C1GALT1: variants seen among roughly 807,000 people sequenced by gnomAD.
C1GALT1 encodes the protein glycoprotein-N-acetylgalactosamine 3-beta-galactosyltransferase 1.
C1GALT1 carries 11 observed loss-of-function variants against 31.0 expected under a neutral mutation model. The ratio of observed to expected loss-of-function variants is 0.36; its 90% CI spans 0.22 to 0.59. C1GALT1 has a LOEUF of 0.59. Among genes scored for constraint, C1GALT1 ranks in the 20% least tolerant of loss-of-function variants. C1GALT1 has a pLI of 0.79. For missense variants in C1GALT1, 424 were observed against 425.2 expected (o/e 1.00, Z 0.03); for synonymous variants, 175 against 143.6 (o/e 1.22, Z -1.56).
chr7:7,172,544 C>T (rs1276418028), intron 2 of C1GALT1, among the ~76,000 whole-genome samples: 1 of 151,898 alleles, frequency 6.6e-6, no homozygotes, highest in Non-Finnish European at 1.5e-5. Flanking sequence ...TTATTTCTGC[C>T]CCTCTCTTTG....
intron 1 of C1GALT1, among the ~76,000 whole-genome samples, chr7:7,213,286 T>G (rs771881809): frequency 7.9e-5 from 12 of 152,342 alleles, no homozygotes; most frequent in Admixed American, 3.3e-4. Context: ...GACAAAATTT[T>G]CAGGATAGCT....
intron 2 of C1GALT1, among the ~76,000 whole-genome samples, chr7:7,174,660 C>T (rs1780486147): frequency 6.6e-6 from 1 of 152,008 alleles, no homozygotes; most frequent in African/African-American, 2.4e-5. Flanking sequence ...TTCCTTTCTG[C>T]TCCTCAGCCT....
chr7:7,222,568 TATTTGAATTCTG>T (rs1411657115), intron 1 of C1GALT1, among the ~76,000 whole-genome samples: 1 of 152,246 alleles, frequency 6.6e-6, no homozygotes, highest in Non-Finnish European at 1.5e-5. Context: ...ACATGAATAC[TATTTGAATTCTG>T]ATTTGAACAA....
chr7:7,220,885 C>G (rs1782481638), intron 1 of C1GALT1, among the ~76,000 whole-genome samples: 1 of 152,142 alleles, frequency 6.6e-6, no homozygotes, highest in African/African-American at 2.4e-5. Context: ...ATTATTTTTC[C>G]TCAGAATTTC....
chr7:7,178,622 C>G (rs1780531774), upstream of C1GALT1, among the ~76,000 whole-genome samples: 1 of 152,334 alleles, frequency 6.6e-6, no homozygotes, highest in African/African-American at 2.4e-5. Context: ...CACACTACAT[C>G]TCTCTATAAG....
chr7:7,228,829 A>G (rs1471380375), intron 1 of C1GALT1, among the ~76,000 whole-genome samples: 1 of 152,212 alleles, frequency 6.6e-6, no homozygotes, highest in Non-Finnish European at 1.5e-5. Context: ...TTTTCCTTAC[A>G]TTCACTCCAG....
chr7:7,203,565 A>G (rs1377331587), intron 1 of C1GALT1, among the ~76,000 whole-genome samples: 1 of 152,040 alleles, frequency 6.6e-6, no homozygotes, highest in Non-Finnish European at 1.5e-5. Context: ...CATGATGTAT[A>G]TAATCTTTTA....
At chr7:7,178,889 A>G (rs1780537384), upstream of C1GALT1, among the ~76,000 whole-genome samples, 1 of 152,226 alleles carries the variant, frequency 6.6e-6, no homozygotes, top group South Asian at 2.1e-4. Context: ...AACATTTAGT[A>G]TCTCACTGTT....
chr7:7,204,090 C>T (rs1781630263), intron 1 of C1GALT1, among the ~76,000 whole-genome samples: 1 of 139,048 alleles, frequency 7.2e-6, no homozygotes, highest in East Asian at 2.3e-4. Flanking sequence ...GTGTTCCCTC[C>T]TCTTCTGTTT....
rs1783786269 is a variant in C1GALT1, at chr7:7,245,021, G to A, written c.*1294G>A. On this transcript the variant is annotated 3_prime_UTR_variant, in exon 4 of 4. Transcript: ENST00000436587. The stretch of plus-strand genomic sequence containing the variant: ...TCACAAATGTTTCATTCTATTTTTA[G>A]TGACTCTGTTTAAAGAGTTTCTGAA... The A allele has an allele frequency of 6.6e-6, 1 of 152,136 alleles. No homozygotes were observed. The highest frequency in any genetic ancestry group is 1.5e-5 in the Non-Finnish European group (1 of 68,012). The allele number at this position is 152,136 out of a possible 1,614,324, so 9.4% of individuals were successfully genotyped here. A position where few individuals can be genotyped will look rare whatever the true frequency, so the allele number is the denominator to read the frequency against.
intron 1 of C1GALT1, among the ~76,000 whole-genome samples, chr7:7,186,599 A>T (rs1345588553): frequency 6.6e-6 from 1 of 152,208 alleles, no homozygotes; most frequent in African/African-American, 2.4e-5. Flanking sequence ...GAATAAGTAA[A>T]ATAATATTTG....
At chr7:7,195,757 G>A (rs1005679840) in intron 1 of C1GALT1, among the ~76,000 whole-genome samples, 5 of 152,224 alleles carry the variant, frequency 3.3e-5, no homozygotes, top group African/African-American at 4.8e-5. Flanking sequence ...GTCTAGTGCC[G>A]TCAGTGGAGT....
chr7:7,173,602 A>G (rs377280191), intron 2 of C1GALT1, among the ~76,000 whole-genome samples: 157 of 152,320 alleles, frequency 1.0e-3, no homozygotes, highest in African/African-American at 3.5e-3. Flanking sequence ...GGGCTGCTAT[A>G]ACAAAATAGT....
chr7:7,161,339 T>C (rs903715162), intron 2 of C1GALT1, among the ~76,000 whole-genome samples: 5 of 152,168 alleles, frequency 3.3e-5, no homozygotes, highest in African/African-American at 1.2e-4. Flanking sequence ...TTAAAGGTAA[T>C]TGCCCCTTGG....
intron 1 of C1GALT1, among the ~76,000 whole-genome samples, chr7:7,229,553 A>G (rs1459554213): frequency 6.6e-6 from 1 of 152,222 alleles, no homozygotes. Flanking sequence ...AATATCGAAC[A>G]GATACTTGAC....
At chr7:7,182,284 C>T (rs1780614592), upstream of C1GALT1, among the ~76,000 whole-genome samples, 1 of 152,196 alleles carries the variant, frequency 6.6e-6, no homozygotes, top group Non-Finnish European at 1.5e-5. Flanking sequence ...ACCCTGCTTT[C>T]GTCCCGCTCA....
chr7:7,208,901 C>T (rs568299797), intron 1 of C1GALT1, among the ~76,000 whole-genome samples: 2 of 152,168 alleles, frequency 1.3e-5, no homozygotes, highest in East Asian at 3.8e-4. Flanking sequence ...CACAGTTTAC[C>T]TTACTGTCCA....
At chr7:7,242,449 T>A (rs890532175) in intron 3 of C1GALT1, among the ~76,000 whole-genome samples, 1 of 152,076 alleles carries the variant, frequency 6.6e-6, no homozygotes, top group Non-Finnish European at 1.5e-5. Flanking sequence ...AGTTTGATAA[T>A]TTTTACACAC....
intron 1 of C1GALT1, among the ~76,000 whole-genome samples, chr7:7,184,775 AT>A (rs940900292): frequency 1.3e-5 from 2 of 152,350 alleles, no homozygotes; most frequent in Admixed American, 1.3e-4. Context: ...AAGCTTCCCA[AT>A]ACAACCATCT....
Sources: gnomAD v4.1 joint callset for allele counts (sites outside exome capture counted in the v4.1 genomes callset) on GRCh38, gnomAD v4.1.1 for gene constraint, MANE v1.5 for transcripts, NCBI Gene and HGNC (gene_info 2026-07-23, HGNC 2026-07-21) for gene names.